The following ZNF324 variants were observed in gnomAD, a reference collection of about 807,000 sequenced individuals.
ZNF324 encodes zinc finger protein 324, also known as zinc finger protein 324A.
Under a neutral mutation model 10.3 loss-of-function variants are expected in ZNF324, and 3 were observed. That is an observed-to-expected ratio of 0.29 (90% CI 0.13 to 0.75). The LOEUF (loss-of-function observed/expected upper bound fraction) is 0.75, where lower values mean the gene tolerates loss of function less well. Among genes scored for constraint, ZNF324 ranks in the 30% least tolerant of loss-of-function variants. The pLI is 0.69. For missense variants in ZNF324, 763 were observed against 784.4 expected, an observed-to-expected ratio of 0.97 and a Z score of 0.33; for synonymous variants, 430 against 339.5, an observed-to-expected ratio of 1.27 and a Z score of -2.93.
In ZNF324 at chr19:58,470,885, T is replaced by G. The variant is rs751574808; in HGVS notation, c.393T>G (p.Ser131=). 2 of 1,614,126 alleles carry G rather than the reference T, an allele frequency of 1.2e-6. No homozygotes were observed. Among genetic ancestry groups the G allele is most frequent in the South Asian group, 2.2e-5 (2 of 91,090 alleles). Residue 131 remains serine (S), a synonymous_variant, in exon 4 of 4, where the codon TCT becomes TCG. Transcript: ENST00000196482. ...SLQRQRGASP[S]RERKPTGVSV... Reference sequence around the variant, plus strand: ...AGAGACAACGGGGTGCCTCCCCATCTCGGGAGAGAAAACCCACGGGGGTGT... The same window carrying G: ...AGAGACAACGGGGTGCCTCCCCATCGCGGGAGAGAAAACCCACGGGGGTGT...
rs1268972779 is a variant in ZNF324 at position 58,475,403 on chromosome 19, C to T, written c.*3249C>T. On this transcript the variant is annotated 3_prime_UTR_variant, in exon 4 of 4. Transcript: ENST00000196482. ...CCTGGCTAGTTCTGCTCCCCAAATT[C>T]AAAGGTAAATAAACGGTTGAGCATG... 1 of 152,210 alleles carries T rather than the reference C, an allele frequency of 6.6e-6. No individual in the cohort carries two copies. Among genetic ancestry groups the T allele is most frequent in the Non-Finnish European group, 1.5e-5 (1 of 68,040 alleles). 9.4% of individuals were successfully genotyped at this position (152,210 alleles called of 1,614,324 possible). A position where few individuals can be genotyped will look rare whatever the true frequency, so the allele number is the denominator to read the frequency against.
At position 58,474,827 on chromosome 19, in the gene ZNF324, G is replaced by A. The variant is rs1206742279; in HGVS notation, c.*2673G>A. On this transcript the variant is annotated 3_prime_UTR_variant, in exon 4 of 4. Coordinates refer to ENST00000196482, the MANE Select transcript of ZNF324 (RefSeq NM_014347.3). Reference sequence around the variant, plus strand: ...CAGGAGCAATGGCATTCCTAAGCTAGAAGTGGGTGAGAGCTGTCACTAAGT... The same window carrying A: ...CAGGAGCAATGGCATTCCTAAGCTAAAAGTGGGTGAGAGCTGTCACTAAGT... The A allele has an allele frequency of 6.6e-6, 1 of 152,354 alleles. No individual in the cohort carries two copies. Among genetic ancestry groups the A allele is most frequent in the African/African-American group, 2.4e-5 (1 of 41,432 alleles). The allele number at this position is 152,354 out of a possible 1,614,324, so 9.4% of individuals were successfully genotyped here.
At position 58,471,746 on chromosome 19, in the gene ZNF324, G is replaced by A. The variant is rs373142502; in HGVS notation, c.1254G>A (p.Val418=). The A allele has an allele frequency of 4.9e-5, 79 of 1,612,378 alleles. No individual in the cohort carries two copies. The highest frequency in any genetic ancestry group is 8.3e-5 in the Admixed American group (5 of 59,964). Reference sequence around the variant, plus strand: ...CCTCGCTCTTTAAGCACCAGCGCGTGCACACAGGCGAGAAGCCCTTCGCCT... The same window carrying A: ...CCTCGCTCTTTAAGCACCAGCGCGTACACACAGGCGAGAAGCCCTTCGCCT... ...QGSSLFKHQR[V]HTGEKPFACP... The change falls in exon 4 of 4, where the codon GTG becomes GTA. Residue 418 remains valine, a synonymous_variant. Transcript: ENST00000196482.
intron 2 of ZNF324, 128 bp from the exon 3 acceptor site, chr19:58,469,600 C>T: frequency 1.2e-6 from 1 of 828,298 alleles, no homozygotes; most frequent in Non-Finnish European, 2.0e-6. Context: ...TGCCCTGTGC[C>T]ATCTTTAGAT....
Position 58,471,176 on chromosome 19 carries a change from G to T in ZNF324, c.684G>T (p.Trp228Cys), listed in dbSNP as rs1372133139. ...GRGHHRMGAV[W>C]QEPHRLLGGQ... ...GACATCACCGAATGGGTGCAGTTTG[G>T]CAGGAGCCTCATAGACTCCTCGGTG... The change falls in exon 4 of 4, where the codon TGG becomes TGT. Residue 228 changes from tryptophan to cysteine, a missense_variant. Trp to Cys is a radical substitution (Grantham distance 215, BLOSUM62 -2). This residue lies in a region of ZNF324 where 379 missense variants were observed against 319.4 expected (regional missense o/e 1.19). Coordinates refer to ENST00000196482, the MANE Select transcript of ZNF324 (RefSeq NM_014347.3). 1.9e-6 allele frequency: 3 copies of T among 1,613,790 alleles called. No homozygotes were observed. Among genetic ancestry groups the T allele is most frequent in the Admixed American group, 3.3e-5 (2 of 60,030 alleles).
In ZNF324 at chr19:58,471,698, C is replaced by T. The variant is rs780965900; in HGVS notation, c.1206C>T (p.Cys402=). 4 of 1,612,376 alleles carry T rather than the reference C, an allele frequency of 2.5e-6. No individual in the cohort carries two copies. Among genetic ancestry groups the T allele is most frequent in the Non-Finnish European group, 1.7e-6 (2 of 1,179,544 alleles). The change falls in exon 4 of 4, where the codon TGC becomes TGT. Residue 402 remains cysteine, a synonymous_variant. Transcript: ENST00000196482. Reference sequence around the variant, plus strand: ...AGAAGCCCTTCGTGTGCGCGCTCTGCGGTGCTGCCTTCAGCCAGGGCTCCT... The same window carrying T: ...AGAAGCCCTTCGTGTGCGCGCTCTGTGGTGCTGCCTTCAGCCAGGGCTCCT... The part of the protein sequence containing the change: ...TGEKPFVCAL[C]GAAFSQGSSL...
At chr19:58,470,244 A>G (rs1408041960) in intron 3 of ZNF324, among the ~76,000 whole-genome samples, 2 of 152,192 alleles carry the variant, frequency 1.3e-5, no homozygotes, top group African/African-American at 4.8e-5. Context: ...AGCCTCAATC[A>G]GGACGACCCT....
chr19:58,468,055 G>C (rs941335989), intron 1 of ZNF324: 4 of 288,604 alleles, frequency 1.4e-5, no homozygotes, highest in African/African-American at 2.3e-5. Flanking sequence ...GGTGTGGGCT[G>C]TTTGAAGAAC....
rs763442788 is a variant in ZNF324, at chr19:58,472,130, C to T, written c.1638C>T (p.Ala546=). The part of the protein sequence containing the change: ...TEPTPASGPA[A]VSQPAEV Reference sequence around the variant, plus strand: ...CCACTCCCGCCTCGGGCCCAGCCGCCGTCTCGCAGCCAGCGGAGGTCTGAG... The same window carrying T: ...CCACTCCCGCCTCGGGCCCAGCCGCTGTCTCGCAGCCAGCGGAGGTCTGAG... The change falls in exon 4 of 4, where the codon GCC becomes GCT. Residue 546 remains alanine (A), a synonymous_variant. Coordinates refer to ENST00000196482, the MANE Select transcript of ZNF324 (RefSeq NM_014347.3). 67 of 1,587,024 alleles carry T rather than the reference C, an allele frequency of 4.2e-5. No homozygotes were observed. The highest frequency in any genetic ancestry group is 1.1e-4 in the East Asian group (5 of 44,500).
intron 1 of ZNF324, among the ~76,000 whole-genome samples, chr19:58,468,599 T>C (rs972563814): frequency 2.0e-5 from 3 of 152,036 alleles, no homozygotes; most frequent in African/African-American, 7.3e-5. Context: ...CACAGTTTCT[T>C]GCTACAAGAG....
chr19:58,472,795 G>C lies in ZNF324; in HGVS notation c.*641G>C. On this transcript the variant is annotated 3_prime_UTR_variant, in exon 4 of 4. Transcript: ENST00000196482. ...GAGAGCCAACACATGCTCACTGCCAGCTCCTGTCCTGAGTACTGGGAAGTT... is the reference window on the plus strand; with the variant it reads ...GAGAGCCAACACATGCTCACTGCCACCTCCTGTCCTGAGTACTGGGAAGTT... 1 of 152,356 alleles carries C rather than the reference G, an allele frequency of 6.6e-6. No homozygotes were observed. Among genetic ancestry groups the C allele is most frequent in the African/African-American group, 2.4e-5 (1 of 41,446 alleles). The allele number at this position is 152,356 out of a possible 1,614,324, so 9.4% of individuals were successfully genotyped here. A position where few individuals can be genotyped will look rare whatever the true frequency, so the allele number is the denominator to read the frequency against.
rs752747504 is a variant in ZNF324 at position 58,471,570 on chromosome 19, C to T, written c.1078C>T (p.Arg360Cys). 3 of 1,589,300 alleles carry T rather than the reference C, an allele frequency of 1.9e-6. No homozygotes were observed. Among genetic ancestry groups the T allele is most frequent in the South Asian group, 1.1e-5 (1 of 89,660 alleles). ...FSHGSNLSQHRKIHAGGRPYA... is the reference protein window; with the variant it reads ...FSHGSNLSQHCKIHAGGRPYA... ...CCACGGCTCCAACCTCAGCCAGCACCGCAAGATCCACGCGGGTGGGCGTCC... is the reference window on the plus strand; with the variant it reads ...CCACGGCTCCAACCTCAGCCAGCACTGCAAGATCCACGCGGGTGGGCGTCC... Residue 360 changes from arginine to cysteine, a missense_variant, in exon 4 of 4, where the codon CGC becomes TGC. Coordinates refer to ENST00000196482, the MANE Select transcript of ZNF324 (RefSeq NM_014347.3).
chr19:58,470,881 C>G lies in ZNF324; in HGVS notation c.389C>G (p.Pro130Arg). Residue 130 changes from proline (P) to arginine (R), a missense_variant, in exon 4 of 4, where the codon CCA becomes CGA. Coordinates refer to ENST00000196482, the MANE Select transcript of ZNF324 (RefSeq NM_014347.3). ...KSLQRQRGASPSRERKPTGVS... is the reference protein window; with the variant it reads ...KSLQRQRGASRSRERKPTGVS... Reference sequence around the variant, plus strand: ...CTGCAGAGACAACGGGGTGCCTCCCCATCTCGGGAGAGAAAACCCACGGGG... The same window carrying G: ...CTGCAGAGACAACGGGGTGCCTCCCGATCTCGGGAGAGAAAACCCACGGGG... 1 of 1,614,236 alleles carries G rather than the reference C, an allele frequency of 6.2e-7. No individual in the cohort carries two copies. Among genetic ancestry groups the G allele is most frequent in the Non-Finnish European group, 8.5e-7 (1 of 1,180,046 alleles).
At chr19:58,467,977 C>CG (rs2052997013) in intron 1 of ZNF324, among the ~76,000 whole-genome samples, 1 of 151,942 alleles carries the variant, frequency 6.6e-6, no homozygotes, top group East Asian at 1.9e-4. Flanking sequence ...GAAGAACCGA[C>CG]TGCCACAGTC....
Position 58,470,716 on chromosome 19 carries a change from T to C in ZNF324, c.239-15T>C. ...ACCAGGATGCCCCAGGCAACCACTG[T>C]TTCTCTGCCTTTAGGTTCCTGGAGT... is the stretch of plus-strand genomic sequence containing the variant. On this transcript the variant is annotated splice_polypyrimidine_tract_variant and intron_variant, in intron 3 of 3. Transcript: ENST00000196482. The C allele has an allele frequency of 1.2e-6, 2 of 1,614,224 alleles. No homozygotes were observed.
chr19:58,469,712 C>T lies in ZNF324; in HGVS notation c.122-16C>T, dbSNP rs1017366478. On this transcript the variant is annotated splice_polypyrimidine_tract_variant and intron_variant, in intron 2 of 3. Transcript: ENST00000196482. ...TGAGCTGGGGCTGGACTCTAACCTGCACCTCCTCCTCACAGGACTCTCCAC... is the reference window on the plus strand; with the variant it reads ...TGAGCTGGGGCTGGACTCTAACCTGTACCTCCTCCTCACAGGACTCTCCAC... The T allele has an allele frequency of 1.2e-5, 19 of 1,559,044 alleles. No individual in the cohort carries two copies. Among genetic ancestry groups the T allele is most frequent in the Non-Finnish European group, 1.6e-5 (18 of 1,149,736 alleles).
rs113307241 is a variant in ZNF324 at position 58,471,023 on chromosome 19, G to T, written c.531G>T (p.Lys177Asn). The T allele has an allele frequency of 6.2e-7, 1 of 1,614,114 alleles. No homozygotes were observed. The highest frequency in any genetic ancestry group is 8.5e-7 in the Non-Finnish European group (1 of 1,180,046). ...RPPEGVRLREKTLTEHALLGR... is the reference protein window; with the variant it reads ...RPPEGVRLRENTLTEHALLGR... ...CCGAGGGCGTCCGGCTTAGAGAAAA[G>T]ACACTCACAGAGCATGCGTTGCTGG... The change falls in exon 4 of 4, where the codon AAG becomes AAT. Residue 177 changes from lysine (K) to asparagine (N), a missense_variant. Coordinates refer to ENST00000196482, the MANE Select transcript of ZNF324 (RefSeq NM_014347.3).
chr19:58,469,866 G>C lies in ZNF324; in HGVS notation c.238+22G>C, dbSNP rs755582761. 6.4e-6 allele frequency: 10 copies of C among 1,571,960 alleles called. No individual in the cohort carries two copies. In the South Asian group the frequency reaches 1.0e-4, roughly 16 times the overall value. On this transcript the variant is annotated intron_variant, in intron 3 of 3. Coordinates refer to ENST00000196482, the MANE Select transcript of ZNF324 (RefSeq NM_014347.3). ...CCTGGTGAGAGGGAGCTCAGGGTGGGGTGAATTCAGGACCAACCTGTGGTC... is the reference window on the plus strand; with the variant it reads ...CCTGGTGAGAGGGAGCTCAGGGTGGCGTGAATTCAGGACCAACCTGTGGTC...
chr19:58,470,889 G>A lies in ZNF324; in HGVS notation c.397G>A (p.Glu133Lys). 6.2e-7 allele frequency: 1 copy of A among 1,614,210 alleles called. No individual in the cohort carries two copies. The part of the protein sequence containing the change: ...QRQRGASPSR[E>K]RKPTGVSVIY... ...ACAACGGGGTGCCTCCCCATCTCGG[G>A]AGAGAAAACCCACGGGGGTGTCGGT... The change falls in exon 4 of 4, where the codon GAG (glutamate) becomes AAG (lysine). Residue 133 changes from glutamate to lysine, a missense_variant. Around this residue, in one of 3 missense-constraint regions of ZNF324, gnomAD observed 379 missense variants for 319.4 expected, o/e 1.19. Coordinates refer to ENST00000196482, the MANE Select transcript of ZNF324 (RefSeq NM_014347.3).
Sources: allele counts gnomAD v4.1 joint callset (sites outside exome capture counted in the v4.1 genomes callset), GRCh38; gene constraint gnomAD v4.1.1; regional missense constraint gnomAD v4.1.1; transcripts MANE v1.5; gene names NCBI Gene and HGNC (gene_info 2026-07-23, HGNC 2026-07-21).